The following SEMA5A variants were observed in gnomAD, a reference collection of about 807,000 sequenced individuals.
The protein encoded by SEMA5A is semaphorin-5A.
A neutral mutation model predicts 135.5 loss-of-function variants in SEMA5A; 55 were observed. That is an observed-to-expected ratio of 0.41 (90% CI 0.33 to 0.51). SEMA5A has a LOEUF of 0.51. Ranked by LOEUF, SEMA5A falls within the 20% of genes least tolerant of loss-of-function variation. The probability of loss-of-function intolerance (pLI) is 0.37; values close to 1 mark genes in which losing one functional copy is unlikely to be tolerated. For synonymous variants in SEMA5A, 580 were observed against 546.5 expected (o/e 1.06, Z -0.85); for missense variants, 1,290 against 1,419.9 (o/e 0.91, Z 1.47).
chr5:9,281,257 A>G (rs1750526859), intron 5 of SEMA5A, among the ~76,000 whole-genome samples: 1 of 152,238 alleles, frequency 6.6e-6, no homozygotes, highest in Non-Finnish European at 1.5e-5. Context: ...TCTATAATGT[A>G]AATACCTTCA....
chr5:9,381,328 A>G (rs113821874), intron 2 of SEMA5A, among the ~76,000 whole-genome samples: 7 of 152,352 alleles, frequency 4.6e-5, no homozygotes, highest in African/African-American at 9.6e-5. Context: ...ATAGTACACA[A>G]TAACTGTGGG....
At chr5:9,492,386 G>C (rs1206779630) in intron 1 of SEMA5A, among the ~76,000 whole-genome samples, 1 of 152,174 alleles carries the variant, frequency 6.6e-6, no homozygotes, top group Non-Finnish European at 1.5e-5. Flanking sequence ...GGGATTCCAT[G>C]TCACATCAGA....
At chr5:9,532,269 CTTT>C (rs4002530) in intron 1 of SEMA5A, among the ~76,000 whole-genome samples, 20 of 146,358 alleles carry the variant, frequency 1.4e-4, no homozygotes, top group East Asian at 4.0e-4. Context: ...AATCAATGAA[CTTT>C]TTTTTTTTTT....
intron 11 of SEMA5A, among the ~76,000 whole-genome samples, chr5:9,159,541 A>C (rs1203022586): frequency 1.0e-5 from 1 of 98,966 alleles, no homozygotes; most frequent in South Asian, 3.9e-4. Context: ...ATTATTAAAA[A>C]GTCCAGAAAC....
At chr5:9,491,124 G>A (rs1269752573) in intron 1 of SEMA5A, among the ~76,000 whole-genome samples, 1 of 151,988 alleles carries the variant, frequency 6.6e-6, no homozygotes, top group East Asian at 1.9e-4. Flanking sequence ...CATTGTTCGC[G>A]ATGTCCTCAA....
intron 4 of SEMA5A, among the ~76,000 whole-genome samples, chr5:9,320,946 A>G (rs1442788463): frequency 6.6e-6 from 1 of 152,084 alleles, no homozygotes; most frequent in Non-Finnish European, 1.5e-5. Context: ...TACCAGTGTG[A>G]TATAGTTTGG....
chr5:9,476,542 C>A (rs1316926468), intron 1 of SEMA5A, among the ~76,000 whole-genome samples: 1 of 152,110 alleles, frequency 6.6e-6, no homozygotes, highest in Non-Finnish European at 1.5e-5. Flanking sequence ...AGAGCAACAA[C>A]CCTCTGAAGA....
rs888991674 is a variant in SEMA5A, at chr5:9,041,842, A to G, written c.*1055T>C. The G allele has an allele frequency of 6.5e-6, 1 of 152,672 alleles. No homozygotes were observed. Among genetic ancestry groups the G allele is most frequent in the Non-Finnish European group, 1.5e-5 (1 of 68,052 alleles). 9.5% of individuals were successfully genotyped at this position (152,672 alleles called of 1,614,324 possible). A position where few individuals can be genotyped will look rare whatever the true frequency, so the allele number is the denominator to read the frequency against. Reference sequence around the variant, plus strand: ...ATGCTCGTGGTAGGGGCTGATTGCCACACATTGGGTATATCAGAGAGATGA... The same window carrying G: ...ATGCTCGTGGTAGGGGCTGATTGCCGCACATTGGGTATATCAGAGAGATGA... On this transcript the variant is annotated 3_prime_UTR_variant, in exon 23 of 23. Coordinates refer to ENST00000382496, the MANE Select transcript of SEMA5A (RefSeq NM_003966.3).
chr5:9,181,168 C>A (rs867971664), intron 11 of SEMA5A, among the ~76,000 whole-genome samples: 2 of 152,256 alleles, frequency 1.3e-5, no homozygotes, highest in South Asian at 4.1e-4. Context: ...CTGCCCCCAA[C>A]CCTTGTGCAC....
chr5:9,175,721 G>A (rs760213182), intron 11 of SEMA5A, among the ~76,000 whole-genome samples: 1 of 152,172 alleles, frequency 6.6e-6, no homozygotes, highest in African/African-American at 2.4e-5. Context: ...AATAACCAAC[G>A]TAATTACTTG....
chr5:9,366,457 C>T (rs1225427294), intron 3 of SEMA5A, among the ~76,000 whole-genome samples: 1 of 151,290 alleles, frequency 6.6e-6, no homozygotes, highest in Non-Finnish European at 1.5e-5. Flanking sequence ...GGTGCGATCT[C>T]GGCTCACTGC....
intron 2 of SEMA5A, among the ~76,000 whole-genome samples, chr5:9,389,337 T>C (rs1756045279): frequency 6.6e-6 from 1 of 152,194 alleles, no homozygotes; most frequent in East Asian, 1.9e-4. Context: ...TAAAAACTGG[T>C]GACTCTCAAA....
intron 16 of SEMA5A, among the ~76,000 whole-genome samples, chr5:9,089,408 G>C (rs1738909911): frequency 6.6e-6 from 1 of 152,116 alleles, no homozygotes; most frequent in Non-Finnish European, 1.5e-5. Flanking sequence ...ATGGGTCAGA[G>C]GCCAGGAGTG....
intron 1 of SEMA5A, among the ~76,000 whole-genome samples, chr5:9,479,699 C>T (rs1367243909): frequency 6.6e-6 from 1 of 152,106 alleles, no homozygotes; most frequent in African/African-American, 2.4e-5. Context: ...CCCTTCATAC[C>T]AGGATTTCAG....
intron 13 of SEMA5A, among the ~76,000 whole-genome samples, chr5:9,131,772 C>T (rs1282744538): frequency 6.6e-6 from 1 of 151,822 alleles, no homozygotes; most frequent in Non-Finnish European, 1.5e-5. Context: ...GTCCCAACTC[C>T]AACACTGGGG....
chr5:9,114,961 T>C (rs913138903), intron 15 of SEMA5A, among the ~76,000 whole-genome samples: 2 of 152,160 alleles, frequency 1.3e-5, no homozygotes, highest in Non-Finnish European at 2.9e-5. Context: ...AGTGTGTGCC[T>C]CACAGATCCT....
chr5:9,496,770 C>T (rs927175343), intron 1 of SEMA5A, among the ~76,000 whole-genome samples: 3 of 152,136 alleles, frequency 2.0e-5, no homozygotes, highest in African/African-American at 7.2e-5. Flanking sequence ...AAGGCTGGGT[C>T]TCCAAAGGGA....
intron 5 of SEMA5A, among the ~76,000 whole-genome samples, chr5:9,254,746 C>G (rs1020407984): frequency 1.3e-5 from 2 of 151,902 alleles, no homozygotes; most frequent in Admixed American, 1.3e-4. Flanking sequence ...TAAACAACTG[C>G]CCAAGGCCAG....
At chr5:9,465,477 A>C (rs1242007692) in intron 1 of SEMA5A, among the ~76,000 whole-genome samples, 1 of 152,234 alleles carries the variant, frequency 6.6e-6, no homozygotes, top group Admixed American at 6.5e-5. Context: ...TGGATTCAAC[A>C]ATCAGGGATG....
Sources: allele counts gnomAD v4.1 joint callset (sites outside exome capture counted in the v4.1 genomes callset), GRCh38; gene constraint gnomAD v4.1.1; transcripts MANE v1.5; gene names NCBI Gene and HGNC (gene_info 2026-07-23, HGNC 2026-07-21).